Variants in MYO5B observed in about 807,000 individuals in gnomAD.
MYO5B encodes the protein unconventional myosin-Vb.
In MYO5B, 143 loss-of-function variants were observed where a neutral mutation model predicts 229.3. The ratio of observed to expected loss-of-function variants is 0.62; its 90% confidence interval spans 0.54 to 0.72. MYO5B has a LOEUF of 0.72. MYO5B is among the 30% of genes least tolerant of loss of function. The pLI is 0.00. For missense variants in MYO5B, 2,321 were observed against 2,331.0 expected (o/e 1.00, Z 0.09); for synonymous variants, 918 against 885.2 (o/e 1.04, Z -0.66).
intron 21 of MYO5B, among the ~76,000 whole-genome samples, chr18:49,900,518 A>G (rs2024829750): frequency 6.6e-6 from 1 of 152,206 alleles, no homozygotes; most frequent in Admixed American, 6.5e-5. Flanking sequence ...AGAGCACGGA[A>G]ACAGAGGCAT....
At chr18:50,093,180 CCACACACA>C (rs3075642) in intron 1 of MYO5B, among the ~76,000 whole-genome samples, 97 of 148,716 alleles carry the variant, frequency 6.5e-4, no homozygotes, top group Non-Finnish European at 9.3e-4. Context: ...GAGCTTTGTG[CCACACACA>C]CACACACACA....
chr18:50,153,705 C>T (rs2032635511), intron 1 of MYO5B, among the ~76,000 whole-genome samples: 1 of 152,214 alleles, frequency 6.6e-6, no homozygotes, highest in Admixed American at 6.5e-5. Context: ...CCGCCTCAGC[C>T]TCCCAAAGTG....
chr18:49,917,846 T>G lies in MYO5B; in HGVS notation c.2091-5673A>C, dbSNP rs145480079. On this transcript the variant is annotated intron_variant, in intron 17 of 39. Transcript: ENST00000285039. ...GAATCAAGGGCTTCTTCACCTGGAG[T>G]GCCTCTAGCTTGCTGGGGAGCAGGC... Among the ~76,000 whole-genome samples, 385 of 152,190 alleles carry G rather than the reference T, an allele frequency of 2.5e-3. 2 individuals are homozygous for G. The highest frequency in any genetic ancestry group is 3.7e-3 in the Non-Finnish European group (253 of 67,994).
At chr18:50,126,241 C>T (rs1459987434) in intron 1 of MYO5B, among the ~76,000 whole-genome samples, 1 of 151,890 alleles carries the variant, frequency 6.6e-6, no homozygotes, top group East Asian at 1.9e-4. Context: ...AACAAACAAC[C>T]CTGAAACAGG....
intron 1 of MYO5B, among the ~76,000 whole-genome samples, chr18:50,093,884 C>T (rs2031499182): frequency 1.3e-5 from 2 of 152,220 alleles, no homozygotes; most frequent in Non-Finnish European, 2.9e-5. Context: ...GATGAACCCT[C>T]TGGTTCTGGG....
rs557531425 is a variant in MYO5B at position 49,983,659 on chromosome 18, T to A, written c.946+1059A>T. On this transcript the variant is annotated intron_variant, in intron 8 of 39. Coordinates refer to ENST00000285039, the MANE Select transcript of MYO5B (RefSeq NM_001080467.3). Reference sequence around the variant, plus strand: ...TTTATCCCTTTTGTAGTCAATCACCTGCTACTGCTGTAGTTAACAATTGTT... The same window carrying A: ...TTTATCCCTTTTGTAGTCAATCACCAGCTACTGCTGTAGTTAACAATTGTT... Among the ~76,000 whole-genome samples the A allele has an allele frequency of 1.8e-4, 28 of 152,360 alleles. 1 individual carries two copies. The South Asian group carries it at 5.8e-3, about 32-fold the overall frequency.
chr18:49,992,569 T>G, intron 5 of MYO5B, 138 bp from the exon 6 acceptor site: 1 of 1,276,008 alleles, frequency 7.8e-7, no homozygotes, highest in South Asian at 1.2e-5. Context: ...GACAATGAAC[T>G]GAGCTAAAGA....
At chr18:49,827,765 A>C (rs1398582563) in intron 39 of MYO5B, among the ~76,000 whole-genome samples, 1 of 152,026 alleles carries the variant, frequency 6.6e-6, no homozygotes. Context: ...TATTTGAAGA[A>C]ATAATGCCAG....
Position 50,073,789 on chromosome 18 carries a change from C to T in MYO5B, c.28-18411G>A, listed in dbSNP as rs1034237449. Among the ~76,000 whole-genome samples the T allele has an allele frequency of 9.2e-5, 14 of 152,258 alleles. No homozygotes were observed. The East Asian group carries it at 2.7e-3, about 29-fold the overall frequency. On this transcript the variant is annotated intron_variant, in intron 1 of 39. Coordinates refer to ENST00000285039, the MANE Select transcript of MYO5B (RefSeq NM_001080467.3). ...TCTTTCCCACCTCAGAAAATGATAC[C>T]TCCATCTACTTTGGGGTTCAAGCAA... is the stretch of plus-strand genomic sequence containing the variant.
intron 4 of MYO5B, among the ~76,000 whole-genome samples, chr18:50,019,664 T>C (rs890337105): frequency 3.3e-5 from 5 of 152,220 alleles, no homozygotes; most frequent in Non-Finnish European, 7.3e-5. Flanking sequence ...TGGGGTCTAA[T>C]ACTGGCCCAG....
At position 49,962,306 on chromosome 18, in the gene MYO5B, G is replaced by A; in HGVS notation, c.1505C>T (p.Ala502Val). 2.5e-6 allele frequency: 4 copies of A among 1,614,180 alleles called. No homozygotes were observed. The highest frequency in any genetic ancestry group is 3.4e-6 in the Non-Finnish European group (4 of 1,180,030). Residue 502 changes from alanine (A) to valine (V), a missense_variant, in exon 12 of 40, where the codon GCC becomes GTC. Physicochemically the swap from Ala to Val is moderately conservative, Grantham distance 64 (BLOSUM62 0). Transcript: ENST00000285039. Reference protein sequence around the residue: ...DNQPCIDLIEAKLGILDLLDE... With the variant: ...DNQPCIDLIEVKLGILDLLDE... ...CAACAGGTCCAAGATACCCAGCTTGGCTTCAATGAGGTCGATACAAGGTTG... is the reference window on the plus strand; with the variant it reads ...CAACAGGTCCAAGATACCCAGCTTGACTTCAATGAGGTCGATACAAGGTTG...
At chr18:49,917,033 C>T (rs1323978851) in intron 17 of MYO5B, among the ~76,000 whole-genome samples, 2 of 152,204 alleles carry the variant, frequency 1.3e-5, no homozygotes, top group East Asian at 1.9e-4. Flanking sequence ...CTCATGAAGA[C>T]CACAGGCTGT....
chr18:49,869,260 T>C (rs1346738862), intron 27 of MYO5B, among the ~76,000 whole-genome samples: 2 of 152,180 alleles, frequency 1.3e-5, no homozygotes, highest in Non-Finnish European at 2.9e-5. Context: ...AAAAGCCCAA[T>C]TTCCATTATT....
At chr18:49,998,554 C>G (rs1374548609) in intron 5 of MYO5B, among the ~76,000 whole-genome samples, 2 of 152,224 alleles carry the variant, frequency 1.3e-5, no homozygotes, top group East Asian at 1.9e-4. Context: ...ATTTAAAAAG[C>G]ATTTCCAAAG....
At chr18:49,996,909 A>T (rs1243502969) in intron 5 of MYO5B, among the ~76,000 whole-genome samples, 1 of 152,208 alleles carries the variant, frequency 6.6e-6, no homozygotes, top group Non-Finnish European at 1.5e-5. Flanking sequence ...AGGAGATAAG[A>T]TTGGTAAGGT....
chr18:50,070,447 C>T (rs916429026), intron 1 of MYO5B, among the ~76,000 whole-genome samples: 15 of 151,932 alleles, frequency 9.9e-5, no homozygotes, highest in African/African-American at 4.8e-5. Context: ...CCAGAGGACA[C>T]GTGGCAATGT....
intron 22 of MYO5B, among the ~76,000 whole-genome samples, chr18:49,883,575 T>C (rs1174153472): frequency 6.6e-6 from 1 of 152,214 alleles, no homozygotes; most frequent in Non-Finnish European, 1.5e-5. Flanking sequence ...ACAGATTCAA[T>C]GTAATCATTA....
intron 1 of MYO5B, among the ~76,000 whole-genome samples, chr18:50,089,262 C>T (rs182792268): frequency 1.3e-5 from 2 of 152,180 alleles, no homozygotes; most frequent in Non-Finnish European, 2.9e-5. Flanking sequence ...CCTGTAGTCC[C>T]AGCTACTCAA....
intron 16 of MYO5B, among the ~76,000 whole-genome samples, chr18:49,931,872 C>T (rs2025196948): frequency 6.6e-6 from 1 of 152,184 alleles, no homozygotes; most frequent in Non-Finnish European, 1.5e-5. Flanking sequence ...CAGACCACCT[C>T]CCCAGGCACT....
Sources: allele counts gnomAD v4.1 joint callset (sites outside exome capture counted in the v4.1 genomes callset), GRCh38; gene constraint gnomAD v4.1.1; transcripts MANE v1.5; gene names NCBI Gene and HGNC (gene_info 2026-07-23, HGNC 2026-07-21).